HUNK: variants seen among roughly 807,000 people sequenced by gnomAD.
HUNK encodes the protein hormonally up-regulated neu tumor-associated kinase.
In HUNK, 21 loss-of-function variants were observed where a neutral mutation model predicts 61.0. The observed-to-expected ratio is 0.34, with a 90% confidence interval of 0.24 to 0.50. The LOEUF (loss-of-function observed/expected upper bound fraction) is 0.50. Among genes scored for constraint, HUNK ranks in the 20% least tolerant of loss-of-function variants. HUNK has a pLI of 0.98. For synonymous variants in HUNK, 371 were observed against 386.1 expected, an observed-to-expected ratio of 0.96 and a Z score of 0.46; for missense variants, 772 against 945.7, an observed-to-expected ratio of 0.82 and a Z score of 2.41.
intron 4 of HUNK, among the ~76,000 whole-genome samples, chr21:31,948,099 A>G (rs369712042): frequency 1.3e-5 from 2 of 152,214 alleles, no homozygotes; most frequent in East Asian, 3.9e-4. Context: ...AAAATCGCCC[A>G]AGGTCATAGA....
intron 1 of HUNK, among the ~76,000 whole-genome samples, chr21:31,897,125 T>A (rs9979406): frequency 0.5 from 75,875 of 151,912 alleles, 19,525 homozygotes; most frequent in Middle Eastern, 0.68. Flanking sequence ...AGGCCTGTAG[T>A]CCCAGCTACT....
At position 31,944,624 on chromosome 21, in the gene HUNK, G is replaced by A. The variant is rs1488691435; in HGVS notation, c.611-1412G>A. Among the ~76,000 whole-genome samples the A allele has an allele frequency of 4.0e-5, 6 of 150,866 alleles. 1 individual carries two copies. Among genetic ancestry groups the A allele is most frequent in the African/African-American group, 1.5e-4 (6 of 41,124 alleles). ...GGGTGTGGGGGGAGGGTTGGGGAGG[G>A]AAGAGTAAGGGAGTCAAGGAGGAGA... On this transcript the variant is annotated intron_variant, in intron 3 of 10. Coordinates refer to ENST00000270112, the MANE Select transcript of HUNK (RefSeq NM_014586.2).
chr21:31,946,226 T>C lies in HUNK; in HGVS notation c.746+55T>C, dbSNP rs111614390. 3.9e-6 allele frequency: 6 copies of C among 1,557,088 alleles called. No individual in the cohort carries two copies. The East Asian group carries it at 1.4e-4, about 36-fold the overall frequency. On this transcript the variant is annotated intron_variant, in intron 4 of 10. Coordinates refer to ENST00000270112, the MANE Select transcript of HUNK (RefSeq NM_014586.2). ...TTCCTCCTGCTGTCTCCACCGTGCC[T>C]TCCTTATGAAATCATGCCTGAGTAT...
rs2833603 is a variant in HUNK at position 32,003,742 on chromosome 21, A to G, written c.*4558A>G. 95,116 of 152,004 alleles carry G rather than the reference A, an allele frequency of 0.63. 29,789 individuals are homozygous for G. Among genetic ancestry groups the G allele is most frequent in the South Asian group, 0.72 (3,470 of 4,806 alleles). The allele number at this position is 152,004 out of a possible 1,614,324, so 9.4% of individuals were successfully genotyped here. A position where few individuals can be genotyped will look rare whatever the true frequency, so the allele number is the denominator to read the frequency against. On this transcript the variant is annotated 3_prime_UTR_variant, in exon 11 of 11. Coordinates refer to ENST00000270112, the MANE Select transcript of HUNK (RefSeq NM_014586.2). ...ATATATTTGTACTTCTTCTCTGTGG[A>G]CATGTTTTTGTGACACACAGTTATC...
Position 31,940,167 on chromosome 21 carries a change from A to T in HUNK, c.557A>T (p.Asp186Val). 6.3e-7 allele frequency: 1 copy of T among 1,590,320 alleles called. No individual in the cohort carries two copies. The highest frequency in any genetic ancestry group is 8.6e-7 in the Non-Finnish European group (1 of 1,167,206). The change falls in exon 3 of 11, where the codon GAC becomes GTC. Residue 186 changes from aspartate (D) to valine (V), a missense_variant and splice_region_variant. Asp to Val is a radical substitution (Grantham distance 152). Coordinates refer to ENST00000270112, the MANE Select transcript of HUNK (RefSeq NM_014586.2). Reference protein sequence around the residue: ...HLHRAGVVHRDLKIENLLLDE... With the variant: ...HLHRAGVVHRVLKIENLLLDE... ...CTGTGTGGTTTTGTTTATTTCAGAG[A>T]CTTGAAGATAGAGAATTTGCTACTA...
intron 1 of HUNK, among the ~76,000 whole-genome samples, chr21:31,905,309 C>A (rs1010782722): frequency 6.6e-6 from 1 of 152,162 alleles, no homozygotes; most frequent in African/African-American, 2.4e-5. Flanking sequence ...CCAGACGTAA[C>A]CAGTCCTGCT....
At position 31,959,098 on chromosome 21, in the gene HUNK, T is replaced by C. The variant is rs774392366; in HGVS notation, c.874+128T>C. 9 of 975,056 alleles carry C rather than the reference T, an allele frequency of 9.2e-6. No individual in the cohort carries two copies. The South Asian group carries it at 2.6e-4, about 28-fold the overall frequency. The allele number at this position is 975,056 out of a possible 1,614,324, so 60.4% of individuals were successfully genotyped here. ...TATCCCATGGTTATAAGTTTCTTTCTAGTGTTAAATAGAAGTGTCAAGGGG... is the reference window on the plus strand; with the variant it reads ...TATCCCATGGTTATAAGTTTCTTTCCAGTGTTAAATAGAAGTGTCAAGGGG... On this transcript the variant is annotated intron_variant, in intron 5 of 10. Coordinates refer to ENST00000270112, the MANE Select transcript of HUNK (RefSeq NM_014586.2).
At chr21:31,979,101 G>C (rs890080694) in intron 7 of HUNK, among the ~76,000 whole-genome samples, 1 of 123,748 alleles carries the variant, frequency 8.1e-6, no homozygotes, top group African/African-American at 3.4e-5. Context: ...ATACCTATTG[G>C]CCATTTCTTT....
chr21:31,927,118 G>A (rs2052666274), intron 2 of HUNK, among the ~76,000 whole-genome samples: 1 of 151,742 alleles, frequency 6.6e-6, no homozygotes, highest in South Asian at 2.1e-4. Flanking sequence ...TCGGCTCACT[G>A]CAACTTCCGC....
At chr21:31,972,432 C>G (rs543800525) in intron 6 of HUNK, among the ~76,000 whole-genome samples, 101 of 152,182 alleles carry the variant, frequency 6.6e-4, no homozygotes, top group Non-Finnish European at 1.2e-3. Context: ...AACTATTCCT[C>G]TCAGTCCAGA....
intron 4 of HUNK, among the ~76,000 whole-genome samples, chr21:31,949,228 G>A (rs546880452): frequency 3.9e-4 from 60 of 152,320 alleles, no homozygotes; most frequent in African/African-American, 1.4e-3. Context: ...GGCCCAGGTG[G>A]GCTGGGGTCA....
At chr21:31,982,920 C>T (rs1289487541) in intron 7 of HUNK, among the ~76,000 whole-genome samples, 3 of 152,216 alleles carry the variant, frequency 2.0e-5, no homozygotes, top group African/African-American at 7.2e-5. Context: ...TCTCCTTCCT[C>T]AGCCACCTGA....
intron 5 of HUNK, among the ~76,000 whole-genome samples, chr21:31,959,254 A>G (rs1055656040): frequency 5.9e-5 from 9 of 152,128 alleles, no homozygotes; most frequent in African/African-American, 2.2e-4. Flanking sequence ...AGGATCTGAT[A>G]TTCTCCATTT....
intron 4 of HUNK, among the ~76,000 whole-genome samples, chr21:31,951,496 A>T (rs1166339980): frequency 6.6e-6 from 1 of 152,150 alleles, no homozygotes; most frequent in Non-Finnish European, 1.5e-5. Flanking sequence ...AAGATTGAGA[A>T]TGCAACGTTG....
chr21:31,985,629 G>A (rs1243501065), intron 8 of HUNK, among the ~76,000 whole-genome samples: 1 of 152,230 alleles, frequency 6.6e-6, no homozygotes, highest in Non-Finnish European at 1.5e-5. Flanking sequence ...CCGGCAGGGG[G>A]CGGGGCAGCC....
At chr21:31,898,636 C>G (rs904710844) in intron 1 of HUNK, among the ~76,000 whole-genome samples, 1 of 152,038 alleles carries the variant, frequency 6.6e-6, no homozygotes, top group African/African-American at 2.4e-5. Context: ...TCTTCTCGAC[C>G]CTGGAGGACT....
rs887627986 is a variant in HUNK, at chr21:32,000,098, C to T, written c.*914C>T. 2.3e-5 allele frequency: 9 copies of T among 398,136 alleles called. No homozygotes were observed. Among genetic ancestry groups the T allele is most frequent in the Non-Finnish European group, 4.0e-5 (9 of 226,028 alleles). 24.7% of individuals were successfully genotyped at this position (398,136 alleles called of 1,614,324 possible). A position where few individuals can be genotyped will look rare whatever the true frequency, so the allele number is the denominator to read the frequency against. ...TGTTGTTTAAGGCATAGCCCTGATC[C>T]TTCTGGAAGGCATAGAACACGGTTA... On this transcript the variant is annotated 3_prime_UTR_variant, in exon 11 of 11. Coordinates refer to ENST00000270112, the MANE Select transcript of HUNK (RefSeq NM_014586.2).
At chr21:31,995,109 T>G (rs2053195001) in intron 9 of HUNK, among the ~76,000 whole-genome samples, 1 of 139,098 alleles carries the variant, frequency 7.2e-6, no homozygotes, top group Admixed American at 7.9e-5. Flanking sequence ...CAGTGAGATA[T>G]GATGACACCA....
chr21:31,916,449 C>T (rs2052583692), intron 1 of HUNK, among the ~76,000 whole-genome samples: 2 of 152,124 alleles, frequency 1.3e-5, no homozygotes, highest in South Asian at 4.2e-4. Context: ...TTTTGAGCAT[C>T]CCTTATTCTA....
Sources: gnomAD v4.1 joint callset for allele counts (sites outside exome capture counted in the v4.1 genomes callset) on GRCh38, gnomAD v4.1.1 for gene constraint, MANE v1.5 for transcripts, NCBI Gene and HGNC (gene_info 2026-07-23, HGNC 2026-07-21) for gene names.